RB1: variants seen among roughly 807,000 people sequenced by gnomAD.
RB1 encodes the protein RB transcriptional corepressor 1.
A neutral mutation model predicts 135.4 loss-of-function variants in RB1; 18 were observed. The observed-to-expected ratio is 0.13, with a 90% CI of 0.09 to 0.20. The LOEUF (loss-of-function observed/expected upper bound fraction) is 0.20, where lower values mean the gene tolerates loss of function less well. Among genes scored for constraint, RB1 ranks in the 10% least tolerant of loss-of-function variants. The pLI is 1.00. For missense variants in RB1, 868 were observed against 1,110.0 expected (o/e 0.78, Z 3.10); for synonymous variants, 365 against 373.2 (o/e 0.98, Z 0.25).
chr13:48,445,628 C>T (rs888183292), intron 17 of RB1, among the ~76,000 whole-genome samples: 1 of 152,132 alleles, frequency 6.6e-6, no homozygotes, highest in Non-Finnish European at 1.5e-5. Context: ...ATCAGCCTTC[C>T]TTGAACCCAC....
At chr13:48,358,386 C>T (rs1357450508) in intron 6 of RB1, among the ~76,000 whole-genome samples, 2 of 152,086 alleles carry the variant, frequency 1.3e-5, no homozygotes, top group African/African-American at 4.8e-5. Flanking sequence ...AATATCCCTT[C>T]ACTCTGCACT....
In RB1 at chr13:48,397,100, A is replaced by T. The variant is rs909799469; in HGVS notation, c.1695+15657A>T. Among the ~76,000 whole-genome samples the T allele has an allele frequency of 2.0e-5, 3 of 152,356 alleles. No homozygotes were observed. In the East Asian group the frequency reaches 5.8e-4, roughly 29 times the overall value. ...AAGACAGTGTGGCGATTCCTCAAGG[A>T]TCTAGAGCCAGAAATAATATTTGAC... On this transcript the variant is annotated intron_variant, in intron 17 of 26. Coordinates refer to ENST00000267163, the MANE Select transcript of RB1 (RefSeq NM_000321.3).
chr13:48,396,145 A>G (rs1366058076), intron 17 of RB1, among the ~76,000 whole-genome samples: 4 of 152,204 alleles, frequency 2.6e-5, no homozygotes, highest in Non-Finnish European at 5.9e-5. Flanking sequence ...AGAAAAAACT[A>G]CTTTAAATTT....
At chr13:48,471,744 T>A (rs1949472307) in intron 23 of RB1, among the ~76,000 whole-genome samples, 1 of 152,228 alleles carries the variant, frequency 6.6e-6, no homozygotes. Context: ...CAAAGCAGGT[T>A]ACTTTAGGTT....
intron 6 of RB1, among the ~76,000 whole-genome samples, chr13:48,357,126 AG>A (rs1433717007): frequency 6.6e-6 from 1 of 151,530 alleles, no homozygotes; most frequent in African/African-American, 2.4e-5. Context: ...TTTAAACTGA[AG>A]GTTCTGCTGT....
chr13:48,425,913 G>A (rs1195565191), intron 17 of RB1, among the ~76,000 whole-genome samples: 1 of 152,122 alleles, frequency 6.6e-6, no homozygotes, highest in East Asian at 1.9e-4. Context: ...GACTTGCTTA[G>A]GATTACAAAG....
intron 17 of RB1, among the ~76,000 whole-genome samples, chr13:48,443,203 C>T (rs921447509): frequency 2.2e-4 from 33 of 151,172 alleles, no homozygotes; most frequent in Admixed American, 2.1e-3. Flanking sequence ...TTTTGAAAGA[C>T]TTAAAAAAAA....
At chr13:48,380,024 T>A in intron 14 of RB1, 29 bp from the exon 15 acceptor site, 1 of 367,610 alleles carries the variant, frequency 2.7e-6, no homozygotes, top group Non-Finnish European at 3.9e-6. Flanking sequence ...AAACAACTTC[T>A]TTTTTTTTTT....
intron 19 of RB1, 106 bp from the exon 20 acceptor site, chr13:48,459,582 A>T: frequency 8.5e-7 from 1 of 1,173,412 alleles, no homozygotes; most frequent in South Asian, 1.2e-5. Context: ...TTCTGTTAAA[A>T]TGCTACTTAA....
At chr13:48,452,684 T>G (rs1949335000) in intron 17 of RB1, among the ~76,000 whole-genome samples, 3 of 152,170 alleles carry the variant, frequency 2.0e-5, no homozygotes, top group Non-Finnish European at 4.4e-5. Context: ...TAAGTTCTGC[T>G]CATGTCTTCA....
At chr13:48,447,367 G>A (rs1377126268) in intron 17 of RB1, among the ~76,000 whole-genome samples, 2 of 152,106 alleles carry the variant, frequency 1.3e-5, no homozygotes, top group Non-Finnish European at 1.5e-5. Context: ...CTGACAAATG[G>A]AGCATTGTTA....
chr13:48,313,345 T>G (rs1952148439), intron 2 of RB1, among the ~76,000 whole-genome samples: 1 of 151,692 alleles, frequency 6.6e-6, no homozygotes, highest in Non-Finnish European at 1.5e-5. Context: ...CGTAGGATTT[T>G]AATTTTGATG....
Position 48,480,995 on chromosome 13 carries a change from A to G in RB1, c.*924A>G, listed in dbSNP as rs560398159. 8.7e-6 allele frequency: 2 copies of G among 228,666 alleles called. No homozygotes were observed. The highest frequency in any genetic ancestry group is 4.4e-5 in the African/African-American group (2 of 45,176). 14.2% of individuals were successfully genotyped at this position (228,666 alleles called of 1,614,324 possible). A position where few individuals can be genotyped will look rare whatever the true frequency, so the allele number is the denominator to read the frequency against. On this transcript the variant is annotated 3_prime_UTR_variant, in exon 27 of 27. Coordinates refer to ENST00000267163, the MANE Select transcript of RB1 (RefSeq NM_000321.3). Reference sequence around the variant, plus strand: ...CTGGGTCCTGAAGAATTAAGATACAAATTAATTTTACTCCATAAACAGACT... The same window carrying G: ...CTGGGTCCTGAAGAATTAAGATACAGATTAATTTTACTCCATAAACAGACT...
intron 17 of RB1, among the ~76,000 whole-genome samples, chr13:48,387,625 A>G (rs1948580283): frequency 6.6e-6 from 1 of 152,156 alleles, no homozygotes; most frequent in African/African-American, 2.4e-5. Flanking sequence ...TTGACTCATT[A>G]TTGTAGTCAA....
rs961287967 is a variant in RB1 at position 48,333,076 on chromosome 13, G to A, written c.265-9523G>A. ...CCATGGGAAACTGAAACTGTGGAAA[G>A]TGAAACCGTGGATATGGAATGACTG... On this transcript the variant is annotated intron_variant, in intron 2 of 26. Transcript: ENST00000267163. 1.4e-4 allele frequency: 57 copies of A among 398,344 alleles called. No individual in the cohort carries two copies. In the Middle Eastern group the frequency reaches 2.5e-3, roughly 18 times the overall value. The allele number at this position is 398,344 out of a possible 1,614,324, so 24.7% of individuals were successfully genotyped here. A position where few individuals can be genotyped will look rare whatever the true frequency, so the allele number is the denominator to read the frequency against.
At chr13:48,359,033 T>C (rs1294719589) in intron 6 of RB1, among the ~76,000 whole-genome samples, 1 of 152,146 alleles carries the variant, frequency 6.6e-6, no homozygotes, top group African/African-American at 2.4e-5. Context: ...TTTCTGCACA[T>C]CCAGTGTTTG....
chr13:48,340,939 C>T (rs1032158431), intron 2 of RB1: 3 of 152,300 alleles, frequency 2.0e-5, no homozygotes, highest in Non-Finnish European at 4.4e-5. Context: ...GTATAATTTA[C>T]ATACACAAAA....
At chr13:48,386,502 C>T (rs1224481344) in intron 17 of RB1, among the ~76,000 whole-genome samples, 1 of 152,068 alleles carries the variant, frequency 6.6e-6, no homozygotes, top group African/African-American at 2.4e-5. Flanking sequence ...GAGTTGTGAA[C>T]TGAACCCGTC....
At chr13:48,345,668 T>C (rs907760744) in intron 4 of RB1, among the ~76,000 whole-genome samples, 3 of 152,224 alleles carry the variant, frequency 2.0e-5, no homozygotes, top group Non-Finnish European at 4.4e-5. Context: ...GCATAATTAA[T>C]ATGCTTAGGT....
Sources: gnomAD v4.1 joint callset for allele counts (sites outside exome capture counted in the v4.1 genomes callset) on GRCh38, gnomAD v4.1.1 for gene constraint, MANE v1.5 for transcripts, NCBI Gene and HGNC (gene_info 2026-07-23, HGNC 2026-07-21) for gene names.